RGL3: variants seen among roughly 807,000 people sequenced by gnomAD.
The protein encoded by RGL3 is ral guanine nucleotide dissociation stimulator like 3.
A neutral mutation model predicts 90.6 loss-of-function variants in RGL3; 85 were observed. The observed-to-expected ratio is 0.94, with a 90% CI of 0.79 to 1.12. The LOEUF is 1.12. RGL3 is among the 50% of genes most tolerant of loss of function. The pLI, the probability that RGL3 is intolerant of heterozygous loss-of-function variation, is 0.00. For synonymous variants in RGL3, 408 were observed against 385.5 expected (o/e 1.06, Z -0.68); for missense variants, 1,034 against 939.2 (o/e 1.10, Z -1.32).
At chr19:11,396,891 C>T (rs1362361181) in intron 18 of RGL3, among the ~76,000 whole-genome samples, 1 of 151,872 alleles carries the variant, frequency 6.6e-6, no homozygotes, top group African/African-American at 2.4e-5. Flanking sequence ...TGGTCTCAAA[C>T]TCCTGACCTC....
intron 18 of RGL3, among the ~76,000 whole-genome samples, chr19:11,395,873 C>CTT (rs2144712960): frequency 6.6e-6 from 1 of 150,808 alleles, no homozygotes; most frequent in African/African-American, 2.4e-5. Context: ...GTGATCCACC[C>CTT]GCCTCGGCCT....
chr19:11,400,160 AT>A (rs1456271571), intron 14 of RGL3, 41 bp downstream of exon 14: 5 of 1,569,158 alleles, frequency 3.2e-6, no homozygotes, highest in Non-Finnish European at 4.3e-6. Context: ...CCTTGCTGAT[AT>A]CTGCCCACAT....
At chr19:11,396,982 CTTA>C (rs1968584833) in intron 18 of RGL3, among the ~76,000 whole-genome samples, 1 of 152,088 alleles carries the variant, frequency 6.6e-6, no homozygotes, top group Admixed American at 6.6e-5. Context: ...CCTGGACAAT[CTTA>C]TTGTCTTTTA....
intron 13 of RGL3, among the ~76,000 whole-genome samples, chr19:11,401,075 G>A (rs960629791): frequency 2.0e-5 from 3 of 151,042 alleles, no homozygotes; most frequent in African/African-American, 7.3e-5. Flanking sequence ...AGAGTCAGAT[G>A]AGGGGTCATG....
At chr19:11,405,011 A>T (rs534054576) in intron 9 of RGL3, 136 bp downstream of exon 9, 1 of 743,072 alleles carries the variant, frequency 1.3e-6, no homozygotes, top group South Asian at 1.6e-5. Context: ...CGCCAGGGAC[A>T]AGGATAAGGT....
At chr19:11,405,472 T>G in intron 7 of RGL3, 46 bp from the exon 8 acceptor site, 1 of 554,470 alleles carries the variant, frequency 1.8e-6, no homozygotes, top group Non-Finnish European at 3.1e-6. Context: ...ATTATCCACC[T>G]TTCATCCTGA....
chr19:11,415,482 GT>G (rs879555619), intron 5 of RGL3, among the ~76,000 whole-genome samples: 32 of 146,336 alleles, frequency 2.2e-4, no homozygotes, highest in South Asian at 1.1e-3. Flanking sequence ...CAAAGAATTT[GT>G]TTTTTTTTTT....
chr19:11,412,688 C>T (rs764554323), intron 5 of RGL3, among the ~76,000 whole-genome samples: 9 of 151,868 alleles, frequency 5.9e-5, no homozygotes, highest in Admixed American at 1.3e-4. Flanking sequence ...AATTCATAGT[C>T]GGGTGCGGTG....
Position 11,406,595 on chromosome 19 carries a change from A to T in RGL3, c.820T>A (p.Ser274Thr). The change falls in exon 7 of 19, where the codon TCC (serine) becomes ACC (threonine). Residue 274 changes from serine (S) to threonine (T), a missense_variant. Coordinates refer to ENST00000380456, the MANE Select transcript of RGL3 (RefSeq NM_001035223.4). ...SKVRLYECLG[S>T]VWSQRDRPGA... ...GGCCGGTCCCTCTGCGACCACACGG[A>T]GCCCAAGCACTCGTAGAGCCTCACC... 6.4e-7 allele frequency: 1 copy of T among 1,553,254 alleles called. No individual in the cohort carries two copies. The highest frequency in any genetic ancestry group is 8.7e-7 in the Non-Finnish European group (1 of 1,148,630).
At position 11,415,969 on chromosome 19, in the gene RGL3, T is replaced by A. The variant is rs1228955457; in HGVS notation, c.605A>T (p.Glu202Val). 6.2e-7 allele frequency: 1 copy of A among 1,613,674 alleles called. No individual in the cohort carries two copies. Residue 202 changes from glutamate (E) to valine (V), a missense_variant, in exon 5 of 19, where the codon GAG becomes GTG. Glu to Val is a moderately radical substitution (Grantham distance 121). Transcript: ENST00000380456. ...LEDFLEEAER[E>V]QEEEPPQVWT... ...CACCTGAGGCGGCTCCTCTTCCTGC[T>A]CTCGCTCAGCCTCCTCCAAAAAATC...
chr19:11,397,735 G>A lies in RGL3; in HGVS notation c.1747-138C>T, dbSNP rs1309957904. ...AATCTCAAGAAAACATTGGCTGGGCGCAGTGGCTCATGCCTGTAATCTCAG... is the reference window on the plus strand; with the variant it reads ...AATCTCAAGAAAACATTGGCTGGGCACAGTGGCTCATGCCTGTAATCTCAG... On this transcript the variant is annotated intron_variant, in intron 16 of 18. Transcript: ENST00000380456. 13 of 927,384 alleles carry A rather than the reference G, an allele frequency of 1.4e-5. No homozygotes were observed. In the South Asian group the frequency reaches 1.4e-4, roughly 10 times the overall value. The allele number at this position is 927,384 out of a possible 1,614,324, so 57.4% of individuals were successfully genotyped here.
chr19:11,418,748 C>G lies in RGL3; in HGVS notation c.70G>C (p.Gly24Arg), dbSNP rs1360037963. Reference protein sequence around the residue: ...LQDWGEETEDGAVYSVSLRRQ... With the variant: ...LQDWGEETEDRAVYSVSLRRQ... The stretch of plus-strand genomic sequence containing the variant: ...CGCAGGGAGACACTGTACACCGCGC[C>G]GTCCTCGGTCTCTTCACCCCAGTCC... Residue 24 changes from glycine to arginine, a missense_variant, in exon 2 of 19, where the codon GGC (glycine) becomes CGC (arginine). Physicochemically the swap from Gly to Arg is moderately radical, Grantham distance 125. Transcript: ENST00000380456. 2.5e-6 allele frequency: 4 copies of G among 1,573,750 alleles called. No individual in the cohort carries two copies. The South Asian group carries it at 3.5e-5, about 14-fold the overall frequency.
At chr19:11,417,393 G>GC (rs904429951) in intron 2 of RGL3, among the ~76,000 whole-genome samples, 10 of 149,568 alleles carry the variant, frequency 6.7e-5, no homozygotes, top group Non-Finnish European at 3.0e-5. Flanking sequence ...CAAGTAATCT[G>GC]CCCCCCTTGG....
chr19:11,401,874 G>C, intron 13 of RGL3, 137 bp downstream of exon 13: 1 of 1,162,896 alleles, frequency 8.6e-7, no homozygotes, highest in Non-Finnish European at 1.2e-6. Flanking sequence ...ATACTGCAAG[G>C]TCACAGGTTG....
chr19:11,415,600 C>T lies in RGL3; in HGVS notation c.637+337G>A, dbSNP rs570481643. On this transcript the variant is annotated intron_variant, in intron 5 of 18. Transcript: ENST00000380456. Reference sequence around the variant, plus strand: ...AAACGATTCTCCTGCCTCAGCCTCCCGAATAGCTGGGATTATAGACATGCC... The same window carrying T: ...AAACGATTCTCCTGCCTCAGCCTCCTGAATAGCTGGGATTATAGACATGCC... 5.3e-4 allele frequency among the ~76,000 whole-genome samples: 80 copies of T among 152,090 alleles called. 1 individual carries two copies. In the South Asian group the frequency reaches 0.016, roughly 30 times the overall value.
chr19:11,413,301 C>G (rs1002060451), intron 5 of RGL3, among the ~76,000 whole-genome samples: 6 of 150,740 alleles, frequency 4.0e-5, no homozygotes, highest in African/African-American at 1.5e-4. Flanking sequence ...TTTGGGAGAC[C>G]GAGGTGGGTG....
At chr19:11,405,759 G>A (rs1457251538) in intron 7 of RGL3, among the ~76,000 whole-genome samples, 3 of 150,898 alleles carry the variant, frequency 2.0e-5, no homozygotes, top group African/African-American at 7.3e-5. Context: ...GCAGTGGCCC[G>A]ATCTCGAGTC....
intron 13 of RGL3, 78 bp from the exon 14 acceptor site, chr19:11,400,375 G>A: frequency 7.5e-7 from 1 of 1,341,538 alleles, no homozygotes; most frequent in Non-Finnish European, 1.0e-6. Context: ...GAATCAGTTG[G>A]GAGGTGGGTT....
At chr19:11,405,963 C>G (rs1008574231) in intron 7 of RGL3, among the ~76,000 whole-genome samples, 6 of 151,124 alleles carry the variant, frequency 4.0e-5, no homozygotes, top group Non-Finnish European at 1.5e-5. Flanking sequence ...CTCAAGGGCT[C>G]AAGCGATCCT....
Sources: allele counts gnomAD v4.1 joint callset (sites outside exome capture counted in the v4.1 genomes callset), GRCh38; gene constraint gnomAD v4.1.1; transcripts MANE v1.5; gene names NCBI Gene and HGNC (gene_info 2026-07-23, HGNC 2026-07-21).